ZNF581: variants seen among roughly 807,000 people sequenced by gnomAD.
The protein encoded by ZNF581 is zinc finger protein 581.
In ZNF581, 1 loss-of-function variant was observed where a neutral mutation model predicts 1.2. The observed-to-expected ratio is 0.83, with a 90% CI of 0.30 to 3.95. The LOEUF is 3.95. ZNF581 is among the 30% of genes most tolerant of loss of function. ZNF581 has a pLI of 0.18. For missense variants in ZNF581, 273 were observed against 274.6 expected, an observed-to-expected ratio of 0.99 and a Z score of 0.04; for synonymous variants, 105 against 109.2, an observed-to-expected ratio of 0.96 and a Z score of 0.24.
chr19:55,643,217 A>G, upstream of ZNF581: 3 of 1,063,070 alleles, frequency 2.8e-6, no homozygotes, highest in Non-Finnish European at 1.2e-6. Flanking sequence ...TGTGTGATGT[A>G]GACCAAAGTC....
Position 55,644,495 on chromosome 19 carries a change from T to C in ZNF581, c.-19-58T>C. On this transcript the variant is annotated intron_variant, in intron 1 of 1. Transcript: ENST00000270451. This position sits in a 1 kb window ranked among gnomAD's most constrained non-coding sequence, Gnocchi z 4.3. ...TATAGGGAGGGAAAAGGATGGAGCC[T>C]GTGGTGCTGAGCTGCCCTCTTCTAT... The C allele has an allele frequency of 9.0e-7, 1 of 1,116,200 alleles. No homozygotes were observed. Among genetic ancestry groups the C allele is most frequent in the Non-Finnish European group, 1.3e-6 (1 of 798,222 alleles). 69.1% of individuals were successfully genotyped at this position (1,116,200 alleles called of 1,614,324 possible). A position where few individuals can be genotyped will look rare whatever the true frequency, so the allele number is the denominator to read the frequency against.
At position 55,645,248 on chromosome 19, in the gene ZNF581, G is replaced by T; in HGVS notation, c.*83G>T. ...TCCAGACACCTGGTGAGAGCCTGAGGCTGGTGTTCAGGGCCCTGGACACAG... is the reference window on the plus strand; with the variant it reads ...TCCAGACACCTGGTGAGAGCCTGAGTCTGGTGTTCAGGGCCCTGGACACAG... On this transcript the variant is annotated 3_prime_UTR_variant, in exon 2 of 2. Coordinates refer to ENST00000270451, the MANE Select transcript of ZNF581 (RefSeq NM_016535.4). 1 of 1,299,574 alleles carries T rather than the reference G, an allele frequency of 7.7e-7. No individual in the cohort carries two copies. Among genetic ancestry groups the T allele is most frequent in the East Asian group, 2.5e-5 (1 of 40,562 alleles). 80.5% of individuals were successfully genotyped at this position (1,299,574 alleles called of 1,614,324 possible).
chr19:55,640,951 C>T, upstream of ZNF581: 1 of 985,366 alleles, frequency 1.0e-6, no homozygotes, highest in Non-Finnish European at 1.2e-6. Flanking sequence ...GTGGGAGCGC[C>T]GGCTCCAGGC....
chr19:55,637,651 G>A (rs889367634), upstream of ZNF581, among the ~76,000 whole-genome samples: 2 of 152,178 alleles, frequency 1.3e-5, no homozygotes, highest in Non-Finnish European at 2.9e-5. Context: ...GGGTGGCAGC[G>A]GCGATGGTGG....
upstream of ZNF581, chr19:55,640,420 C>A (rs931443977): frequency 9.1e-6 from 9 of 985,380 alleles, no homozygotes; most frequent in African/African-American, 1.4e-4. Flanking sequence ...GCCTTCGCTG[C>A]GCTTCGGTGT....
upstream of ZNF581, chr19:55,641,070 C>G: frequency 1.0e-6 from 1 of 985,254 alleles, no homozygotes; most frequent in Non-Finnish European, 1.2e-6. Flanking sequence ...CCCGGCGCCG[C>G]CGGCCCGGAG....
At position 55,644,108 on chromosome 19, in the gene ZNF581, G is replaced by A. The variant is rs1982710053; in HGVS notation, c.-20+334G>A. On this transcript the variant is annotated intron_variant, in intron 1 of 1. Transcript: ENST00000270451. This position sits in a 1 kb window ranked among gnomAD's most constrained non-coding sequence, Gnocchi z 4.3. The stretch of plus-strand genomic sequence containing the variant: ...GGAACCTGGGGGTCCTAACGTCGGA[G>A]CCCCTGTGAATAGGCTTGGCTTGTA... Among the ~76,000 whole-genome samples, 1 of 152,130 alleles carries A rather than the reference G, an allele frequency of 6.6e-6. No homozygotes were observed. The highest frequency in any genetic ancestry group is 1.5e-5 in the Non-Finnish European group (1 of 68,018).
upstream of ZNF581, among the ~76,000 whole-genome samples, chr19:55,639,124 C>G (rs1470296130): frequency 1.3e-5 from 2 of 151,960 alleles, no homozygotes; most frequent in Non-Finnish European, 1.5e-5. Context: ...CAGGGGTTCT[C>G]AGCTAGGAGC....
chr19:55,641,106 CCGG>C, upstream of ZNF581: 2 of 985,406 alleles, frequency 2.0e-6, no homozygotes, highest in Non-Finnish European at 2.4e-6. Flanking sequence ...GGTTCCGCCG[CCGG>C]CGCTCGCCAG....
rs1465468942 is a variant in ZNF581, at chr19:55,645,535, CTGT to C, written c.*376_*378del. 3 of 201,696 alleles carry C rather than the reference CTGT, an allele frequency of 1.5e-5. No individual in the cohort carries two copies. The highest frequency in any genetic ancestry group is 2.2e-5 in the Non-Finnish European group (2 of 91,496). The allele number at this position is 201,696 out of a possible 1,614,324, so 12.5% of individuals were successfully genotyped here. A position where few individuals can be genotyped will look rare whatever the true frequency, so the allele number is the denominator to read the frequency against. On this transcript the variant is annotated 3_prime_UTR_variant, in exon 2 of 2. Transcript: ENST00000270451. ...GCGCCATCTTCCTGGGGCTTCTGCG[CTGT>C]TGTTGGGGAAGGGACCCCAGTCCTG... is the stretch of plus-strand genomic sequence containing the variant.
upstream of ZNF581, chr19:55,642,211 G>T: frequency 1.7e-6 from 2 of 1,175,678 alleles, no homozygotes. Flanking sequence ...GGGAAGAAAA[G>T]TCGGGGGACT....
upstream of ZNF581, chr19:55,641,100 C>A: frequency 1.0e-6 from 1 of 985,274 alleles, no homozygotes; most frequent in Admixed American, 6.1e-5. Context: ...AGTCTCGGTT[C>A]CGCCGCCGGC....
rs1914111174 is a variant in ZNF581, at chr19:55,645,201, T to C, written c.*36T>C. The C allele has an allele frequency of 2.0e-6, 3 of 1,498,182 alleles. No homozygotes were observed. The highest frequency in any genetic ancestry group is 2.7e-6 in the Non-Finnish European group (3 of 1,119,366). 92.8% of individuals were successfully genotyped at this position (1,498,182 alleles called of 1,614,324 possible). Reference sequence around the variant, plus strand: ...CGGGTGCCCCAGGTACCACAGGACTTTGCAGGGAGCCTGGACTCCTGTCCA... The same window carrying C: ...CGGGTGCCCCAGGTACCACAGGACTCTGCAGGGAGCCTGGACTCCTGTCCA... On this transcript the variant is annotated 3_prime_UTR_variant, in exon 2 of 2. Transcript: ENST00000270451.
upstream of ZNF581, chr19:55,642,592 T>A: frequency 7.3e-7 from 1 of 1,372,780 alleles, no homozygotes; most frequent in Non-Finnish European, 9.5e-7. Context: ...AGGCTCCCCC[T>A]TTCCCCAAGG....
chr19:55,642,989 G>A, upstream of ZNF581: 1 of 1,372,498 alleles, frequency 7.3e-7, no homozygotes, highest in Non-Finnish European at 9.4e-7. Flanking sequence ...CCGCTTCCAG[G>A]ACGCCGCGGA....
upstream of ZNF581, chr19:55,641,047 C>A (rs1982429410): frequency 1.0e-6 from 1 of 985,158 alleles, no homozygotes; most frequent in Non-Finnish European, 1.2e-6. Context: ...CCCGCGCCCC[C>A]AGTCCCCGCG....
chr19:55,639,568 C>G (rs557210763), upstream of ZNF581, among the ~76,000 whole-genome samples: 18 of 152,288 alleles, frequency 1.2e-4, no homozygotes, highest in Admixed American at 3.9e-4. Context: ...ACAGTGGTCT[C>G]TGGAATTGTT....
At chr19:55,640,620 C>G, upstream of ZNF581, 3 of 985,470 alleles carry the variant, frequency 3.0e-6, no homozygotes, top group Non-Finnish European at 3.6e-6. Flanking sequence ...CCGGCCACAT[C>G]GGAGCCAATG....
At chr19:55,637,423 G>A (rs1308362100), upstream of ZNF581, among the ~76,000 whole-genome samples, 1 of 152,182 alleles carries the variant, frequency 6.6e-6, no homozygotes, top group Non-Finnish European at 1.5e-5. Flanking sequence ...TGTAATCCCA[G>A]CTACTCAGGA....
Sources: gnomAD v4.1 joint callset for allele counts (sites outside exome capture counted in the v4.1 genomes callset) on GRCh38, gnomAD v4.1.1 for gene constraint, Gnocchi (gnomAD v3.1) non-coding constraint, MANE v1.5 for transcripts, NCBI Gene and HGNC (gene_info 2026-07-23, HGNC 2026-07-21) for gene names.